PPARGC1A: variants seen among roughly 807,000 people sequenced by gnomAD.
The protein encoded by PPARGC1A is peroxisome proliferator-activated receptor gamma coactivator 1-alpha.
A neutral mutation model predicts 88.7 loss-of-function variants in PPARGC1A; 25 were observed. That is an observed-to-expected ratio of 0.28 (90% CI 0.21 to 0.39). PPARGC1A has a LOEUF of 0.39. PPARGC1A is among the 10% of genes least tolerant of loss of function. The probability of loss-of-function intolerance (pLI) is 1.00; values close to 1 mark genes in which losing one functional copy is unlikely to be tolerated. For synonymous variants in PPARGC1A, 363 were observed against 355.6 expected, an observed-to-expected ratio of 1.02 and a Z score of -0.24; for missense variants, 880 against 968.7, an observed-to-expected ratio of 0.91 and a Z score of 1.22.
the PPARGC1A span, among the ~76,000 whole-genome samples, chr4:24,031,636 C>A: frequency 6.6e-6 from 1 of 152,160 alleles, no homozygotes; most frequent in Non-Finnish European, 1.5e-5. Flanking sequence ...GTCTGTCCTA[C>A]ACATTGTTCG....
the PPARGC1A span, among the ~76,000 whole-genome samples, chr4:23,983,649 T>A: frequency 2.6e-5 from 4 of 152,042 alleles, no homozygotes; most frequent in Non-Finnish European, 2.9e-5. Context: ...CAATGCCTTA[T>A]GCATAGAAAT....
At chr4:24,458,470 C>G in the PPARGC1A span, among the ~76,000 whole-genome samples, 1 of 152,162 alleles carries the variant, frequency 6.6e-6, no homozygotes, top group African/African-American at 2.4e-5. Context: ...CACTGCGCTC[C>G]ATCCTTTGTG....
At chr4:23,930,466 A>G in the PPARGC1A span, among the ~76,000 whole-genome samples, 1 of 152,224 alleles carries the variant, frequency 6.6e-6, no homozygotes, top group African/African-American at 2.4e-5. Context: ...GTTCTCTAAT[A>G]TCTTAAAGAT....
At chr4:24,431,306 C>T in the PPARGC1A span, among the ~76,000 whole-genome samples, 1 of 152,012 alleles carries the variant, frequency 6.6e-6, no homozygotes, top group Non-Finnish European at 1.5e-5. Context: ...GGATAGAGAA[C>T]ACAGAGAATA....
chr4:24,415,955 A>G, the PPARGC1A span, among the ~76,000 whole-genome samples: 1 of 152,224 alleles, frequency 6.6e-6, no homozygotes, highest in Non-Finnish European at 1.5e-5. Flanking sequence ...GACATAAAAC[A>G]TGTACATGAA....
At chr4:24,356,012 CAT>C in the PPARGC1A span, among the ~76,000 whole-genome samples, 3 of 151,934 alleles carry the variant, frequency 2.0e-5, no homozygotes, top group East Asian at 5.8e-4. Flanking sequence ...GCCTGGCCAA[CAT>C]AGAGAAACCC....
At chr4:23,930,110 T>G in the PPARGC1A span, among the ~76,000 whole-genome samples, 6 of 152,308 alleles carry the variant, frequency 3.9e-5, no homozygotes, top group Non-Finnish European at 7.3e-5. Flanking sequence ...ATCTGAATTT[T>G]TACCTAGATA....
At chr4:24,383,085 A>G in the PPARGC1A span, among the ~76,000 whole-genome samples, 1 of 152,224 alleles carries the variant, frequency 6.6e-6, no homozygotes. Context: ...CCACGCAAAC[A>G]GGGTCTGGAG....
At chr4:23,961,047 A>G in the PPARGC1A span, among the ~76,000 whole-genome samples, 1 of 152,158 alleles carries the variant, frequency 6.6e-6, no homozygotes, top group East Asian at 1.9e-4. Flanking sequence ...GAGAATGTGT[A>G]TGTGTGCGTG....
At chr4:24,188,160 C>CGCGGTGGCTCACGCCTGT in the PPARGC1A span, among the ~76,000 whole-genome samples, 7 of 152,052 alleles carry the variant, frequency 4.6e-5, no homozygotes, top group African/African-American at 1.7e-4. Flanking sequence ...TGAGGAAGAG[C>CGCGGTGGCTCACGCCTGT]AACACAGCTA....
chr4:24,094,770 C>A, the PPARGC1A span, among the ~76,000 whole-genome samples: 1 of 151,934 alleles, frequency 6.6e-6, no homozygotes, highest in Non-Finnish European at 1.5e-5. Context: ...AACAGCATAG[C>A]TTTTATTCAC....
intron 2 of PPARGC1A, among the ~76,000 whole-genome samples, chr4:23,878,783 C>T (rs981116866): frequency 6.6e-6 from 1 of 152,202 alleles, no homozygotes; most frequent in Non-Finnish European, 1.5e-5. Context: ...ATTTATGACT[C>T]TCCAAGATGA....
At chr4:24,247,576 A>G in the PPARGC1A span, among the ~76,000 whole-genome samples, 1 of 152,228 alleles carries the variant, frequency 6.6e-6, no homozygotes, top group Non-Finnish European at 1.5e-5. Context: ...GAGATCAGCT[A>G]TACACTAAGA....
upstream of PPARGC1A, among the ~76,000 whole-genome samples, chr4:23,892,331 T>C (rs964602553): frequency 3.3e-5 from 5 of 152,122 alleles, no homozygotes; most frequent in Non-Finnish European, 7.4e-5. Flanking sequence ...AGTAACAACA[T>C]TTAAAAGACT....
At chr4:23,919,974 G>C in the PPARGC1A span, among the ~76,000 whole-genome samples, 1 of 152,178 alleles carries the variant, frequency 6.6e-6, no homozygotes, top group African/African-American at 2.4e-5. Flanking sequence ...AGGGAAGCAA[G>C]AATCACCAGT....
At chr4:24,073,713 G>A in the PPARGC1A span, among the ~76,000 whole-genome samples, 8,048 of 152,242 alleles carry the variant, frequency 0.053, 629 homozygotes, top group African/African-American at 0.17. Flanking sequence ...GGGAAAACAT[G>A]GAGGTTAACA....
At chr4:24,295,966 G>A in the PPARGC1A span, among the ~76,000 whole-genome samples, 1 of 149,974 alleles carries the variant, frequency 6.7e-6, no homozygotes, top group Non-Finnish European at 1.5e-5. Context: ...CACTTGGTGA[G>A]TTGCAGAAAA....
At chr4:24,346,109 C>T in the PPARGC1A span, among the ~76,000 whole-genome samples, 2 of 152,170 alleles carry the variant, frequency 1.3e-5, no homozygotes, top group East Asian at 1.9e-4. Flanking sequence ...TTAAACCATC[C>T]CTGCGTCCCT....
the PPARGC1A span, among the ~76,000 whole-genome samples, chr4:24,443,792 G>A: frequency 6.7e-6 from 1 of 148,938 alleles, no homozygotes; most frequent in Non-Finnish European, 1.5e-5. Context: ...CTGACCTCGT[G>A]ATCCGCCTGC....
Sources: allele counts gnomAD v4.1 joint callset (sites outside exome capture counted in the v4.1 genomes callset), GRCh38; gene constraint gnomAD v4.1.1; transcripts MANE v1.5; gene names NCBI Gene and HGNC (gene_info 2026-07-23, HGNC 2026-07-21).